MAML3: variants seen among roughly 807,000 people sequenced by gnomAD.
MAML3 encodes mastermind like transcriptional coactivator 3.
In MAML3, 27 loss-of-function variants were observed where a neutral mutation model predicts 101.9. That is an observed-to-expected ratio of 0.27 (90% CI 0.20 to 0.37). MAML3 has a LOEUF of 0.37. Among genes scored for constraint, MAML3 ranks in the 10% least tolerant of loss-of-function variants. The pLI, the probability that MAML3 is intolerant of heterozygous loss-of-function variation, is 1.00. For synonymous variants in MAML3, 501 were observed against 555.9 expected, an observed-to-expected ratio of 0.90 and a Z score of 1.39; for missense variants, 1,316 against 1,444.9, an observed-to-expected ratio of 0.91 and a Z score of 1.45.
chr4:139,878,440 C>T (rs1732153841), intron 2 of MAML3, among the ~76,000 whole-genome samples: 1 of 152,202 alleles, frequency 6.6e-6, no homozygotes, highest in Non-Finnish European at 1.5e-5. Context: ...TGGTATCTTG[C>T]TTTGGTCCAT....
At position 140,141,167 on chromosome 4, in the gene MAML3, A is replaced by C. The variant is rs911649578; in HGVS notation, c.468+11693T>G. Among the ~76,000 whole-genome samples the C allele has an allele frequency of 2.0e-5, 3 of 152,186 alleles. 1 individual carries two copies. Among genetic ancestry groups the C allele is most frequent in the African/African-American group, 7.2e-5 (3 of 41,436 alleles). On this transcript the variant is annotated intron_variant, in intron 1 of 4. Transcript: ENST00000509479. ...TATAGACGATAATTATTATTATCTT[A>C]GTGTAAGGGAGCTGCTATGCCAAAG... is the stretch of plus-strand genomic sequence containing the variant.
At chr4:139,877,987 C>T (rs1732146250) in intron 2 of MAML3, among the ~76,000 whole-genome samples, 2 of 152,272 alleles carry the variant, frequency 1.3e-5, no homozygotes, top group Non-Finnish European at 2.9e-5. Context: ...CCTCTAAATG[C>T]CACTATGGCC....
At chr4:140,032,865 C>T (rs1450547533) in intron 1 of MAML3, among the ~76,000 whole-genome samples, 20 of 124,750 alleles carry the variant, frequency 1.6e-4, no homozygotes, top group Non-Finnish European at 3.1e-4. Context: ...TGGAAAAAAA[C>T]CTCTCATTGT....
chr4:139,798,034 G>GAGAGAGAGAA (rs1308897622), intron 2 of MAML3, among the ~76,000 whole-genome samples: 1 of 124,472 alleles, frequency 8.0e-6, no homozygotes, highest in Non-Finnish European at 1.7e-5. Context: ...AGGAGAGAGA[G>GAGAGAGAGAA]AGAAAGAAAG....
chr4:139,720,399 C>T (rs1728188800), intron 4 of MAML3, 76 bp from the exon 5 acceptor site: 2 of 1,356,908 alleles, frequency 1.5e-6, no homozygotes, highest in Admixed American at 3.1e-5. Flanking sequence ...TTGGAATTTT[C>T]TTTGGGAATG....
rs562489596 is a variant in MAML3, at chr4:140,026,440, G to A, written c.468+126420C>T. Reference sequence around the variant, plus strand: ...TAGCTAATTTTTGTATTTTAGTACAGACGGGGTTTCACCACGTTGGCCAGG... The same window carrying A: ...TAGCTAATTTTTGTATTTTAGTACAAACGGGGTTTCACCACGTTGGCCAGG... On this transcript the variant is annotated intron_variant, in intron 1 of 4. Coordinates refer to ENST00000509479, the MANE Select transcript of MAML3 (RefSeq NM_018717.5). Among the ~76,000 whole-genome samples the A allele has an allele frequency of 1.3e-3, 192 of 152,144 alleles. 1 individual carries two copies. Among genetic ancestry groups the A allele is most frequent in the Non-Finnish European group, 2.0e-3 (139 of 68,006 alleles).
intron 1 of MAML3, among the ~76,000 whole-genome samples, chr4:140,029,853 C>G (rs1268837555): frequency 2.0e-5 from 3 of 152,006 alleles, no homozygotes; most frequent in African/African-American, 7.2e-5. Context: ...GGCCACACAC[C>G]CATATTTTAA....
At chr4:139,993,591 C>T (rs1309003268) in intron 1 of MAML3, among the ~76,000 whole-genome samples, 1 of 151,316 alleles carries the variant, frequency 6.6e-6, no homozygotes, top group African/African-American at 2.4e-5. Context: ...TTTGGGAGGC[C>T]GAGGAGGGTG....
At chr4:140,025,538 G>T (rs1265901376) in intron 1 of MAML3, among the ~76,000 whole-genome samples, 1 of 152,104 alleles carries the variant, frequency 6.6e-6, no homozygotes, top group Non-Finnish European at 1.5e-5. Context: ...ACCTGCTAGA[G>T]AAATGCCAGA....
In MAML3 at chr4:140,119,408, T is replaced by C. The variant is rs117904189; in HGVS notation, c.468+33452A>G. Among the ~76,000 whole-genome samples the C allele has an allele frequency of 3.7e-3, 560 of 152,274 alleles. 3 individuals are homozygous for C. The highest frequency in any genetic ancestry group is 0.018 in the East Asian group (91 of 5,184). On this transcript the variant is annotated intron_variant, in intron 1 of 4. Transcript: ENST00000509479. Reference sequence around the variant, plus strand: ...AACTAACCTAGTACCTTCCTAGATATACTTTTCTTACCTTTCTTTCTCACA... The same window carrying C: ...AACTAACCTAGTACCTTCCTAGATACACTTTTCTTACCTTTCTTTCTCACA...
chr4:139,833,463 T>G (rs1731204776), intron 2 of MAML3, among the ~76,000 whole-genome samples: 2 of 150,388 alleles, frequency 1.3e-5, no homozygotes, highest in African/African-American at 2.5e-5. Context: ...ATTTGGGGAG[T>G]GGGAGAGCAG....
intron 2 of MAML3, among the ~76,000 whole-genome samples, chr4:139,882,383 G>A (rs901313390): frequency 2.2e-4 from 34 of 151,444 alleles, no homozygotes; most frequent in African/African-American, 6.1e-4. Flanking sequence ...GCAATAAGGT[G>A]TATCATCATG....
intron 1 of MAML3, among the ~76,000 whole-genome samples, chr4:140,137,284 G>A (rs1560905373): frequency 6.6e-6 from 1 of 152,188 alleles, no homozygotes; most frequent in Non-Finnish European, 1.5e-5. Context: ...CACCGCGCCC[G>A]GCCTAAAGAA....
At chr4:139,757,797 T>C (rs1025257889) in intron 2 of MAML3, among the ~76,000 whole-genome samples, 9 of 152,150 alleles carry the variant, frequency 5.9e-5, no homozygotes, top group Non-Finnish European at 8.8e-5. Flanking sequence ...TGTCTTGCTC[T>C]TCCCTGTCTG....
At position 139,785,247 on chromosome 4, in the gene MAML3, G is replaced by A. The variant is rs115872867; in HGVS notation, c.2080-54580C>T. Among the ~76,000 whole-genome samples, 4,849 of 152,214 alleles carry A rather than the reference G, an allele frequency of 0.032. 94 individuals carry two copies. The highest frequency in any genetic ancestry group is 0.061 in the Admixed American group (931 of 15,294). ...CTTCTGGGTCCTCCCACACGGTGCC[G>A]GATCCTGATACCAAGACCGAGGACA... On this transcript the variant is annotated intron_variant, in intron 2 of 4. Transcript: ENST00000509479. This position sits in a 1 kb window ranked among gnomAD's most constrained non-coding sequence, Gnocchi z 4.3.
chr4:140,034,032 C>A (rs10010293), intron 1 of MAML3, among the ~76,000 whole-genome samples: 3,871 of 152,172 alleles, frequency 0.025, 166 homozygotes, highest in African/African-American at 0.086. Context: ...ACAGTGTGGA[C>A]CAATAATAAT....
rs567200517 is a variant in MAML3, at chr4:139,926,555, G to A, written c.469-35588C>T. ...GCGGAGCTTGCAGTGAGCCGAGATC[G>A]CACCACTGCACTCCAGCCTGGGAGA... is the stretch of plus-strand genomic sequence containing the variant. On this transcript the variant is annotated intron_variant, in intron 1 of 4. Transcript: ENST00000509479. Among the ~76,000 whole-genome samples, 11 of 152,280 alleles carry A rather than the reference G, an allele frequency of 7.2e-5. No homozygotes were observed. The East Asian group carries it at 7.7e-4, about 11-fold the overall frequency.
chr4:140,065,226 T>C (rs896102656), intron 1 of MAML3, among the ~76,000 whole-genome samples: 3 of 151,822 alleles, frequency 2.0e-5, no homozygotes, highest in Non-Finnish European at 4.4e-5. Context: ...TAGTGAGAGA[T>C]GTGAAAAGTA....
intron 2 of MAML3, among the ~76,000 whole-genome samples, chr4:139,868,395 T>C (rs983640221): frequency 6.6e-6 from 1 of 152,240 alleles, no homozygotes; most frequent in Admixed American, 6.5e-5. Flanking sequence ...CTCAGCTTGA[T>C]ACTACGAAAA....
Sources: allele counts gnomAD v4.1 joint callset (sites outside exome capture counted in the v4.1 genomes callset), GRCh38; gene constraint gnomAD v4.1.1; non-coding constraint Gnocchi (gnomAD v3.1); transcripts MANE v1.5; gene names NCBI Gene and HGNC (gene_info 2026-07-23, HGNC 2026-07-21).